Variants in VPS13B observed in about 807,000 individuals in gnomAD.
VPS13B encodes vacuolar protein sorting 13 homolog B, also known as intermembrane lipid transfer protein VPS13B.
Under a neutral mutation model 426.4 loss-of-function variants are expected in VPS13B, and 285 were observed. The ratio of observed to expected loss-of-function variants is 0.67; its 90% CI spans 0.61 to 0.74. The LOEUF (loss-of-function observed/expected upper bound fraction) is 0.74. Among genes scored for constraint, VPS13B ranks in the 30% least tolerant of loss-of-function variants. The pLI, the probability that VPS13B is intolerant of heterozygous loss-of-function variation, is 0.00. For synonymous variants in VPS13B, 1,676 were observed against 1,676.4 expected (o/e 1.00, Z 0.01); for missense variants, 4,537 against 4,782.6 (o/e 0.95, Z 1.51).
At chr8:99,389,137 A>G (rs1026864150) in intron 20 of VPS13B, among the ~76,000 whole-genome samples, 1 of 152,036 alleles carries the variant, frequency 6.6e-6, no homozygotes, top group Admixed American at 6.6e-5. Flanking sequence ...TGACAGAGCG[A>G]GACTCTGTCT....
intron 43 of VPS13B, among the ~76,000 whole-genome samples, chr8:99,794,320 T>A (rs776007347): frequency 6.6e-6 from 1 of 152,166 alleles, no homozygotes; most frequent in Non-Finnish European, 1.5e-5. Flanking sequence ...GAGAGAGTGC[T>A]AAGAGAAGAA....
At chr8:99,139,659 G>C (rs940106694) in intron 12 of VPS13B, among the ~76,000 whole-genome samples, 4 of 151,664 alleles carry the variant, frequency 2.6e-5, no homozygotes, top group African/African-American at 9.7e-5. Context: ...GGATGGTCTC[G>C]ATCTCCTGAC....
Position 99,556,311 on chromosome 8 carries a change from A to G in VPS13B, c.4746-139A>G. 5 of 870,892 alleles carry G rather than the reference A, an allele frequency of 5.7e-6. No individual in the cohort carries two copies. In the South Asian group the frequency reaches 6.2e-5, roughly 11 times the overall value. 53.9% of individuals were successfully genotyped at this position (870,892 alleles called of 1,614,324 possible). On this transcript the variant is annotated intron_variant, in intron 30 of 61. Coordinates refer to ENST00000357162, the MANE Select transcript of VPS13B (RefSeq NM_152564.5). ...ACTAACTTTCTGAAACCTTTTTCAT[A>G]GATGTGCCCCAGTTTATTCATCAGT...
chr8:99,085,023 T>G (rs1298701993), intron 3 of VPS13B, among the ~76,000 whole-genome samples: 2 of 152,042 alleles, frequency 1.3e-5, no homozygotes, highest in African/African-American at 4.8e-5. Flanking sequence ...AATTTCTGTC[T>G]CGTTGATCTG....
At chr8:99,121,010 GA>G (rs1847905902) in intron 7 of VPS13B, among the ~76,000 whole-genome samples, 166 bp from the exon 8 acceptor site, 1 of 152,144 alleles carries the variant, frequency 6.6e-6, no homozygotes, top group Non-Finnish European at 1.5e-5. Flanking sequence ...AGAAAGTTGA[GA>G]GTCATAATGC....
chr8:99,067,909 A>T (rs1431498234), intron 3 of VPS13B, among the ~76,000 whole-genome samples: 1 of 152,200 alleles, frequency 6.6e-6, no homozygotes, highest in Non-Finnish European at 1.5e-5. Context: ...ATGTGATTAT[A>T]AGATATTTCC....
At chr8:99,109,400 T>G (rs1345345857) in intron 5 of VPS13B, among the ~76,000 whole-genome samples, 5 of 151,706 alleles carry the variant, frequency 3.3e-5, no homozygotes, top group African/African-American at 1.2e-4. Flanking sequence ...TTTTTTTTTT[T>G]AAGAGAGAGT....
At chr8:99,151,167 G>GTA (rs1262598555) in intron 14 of VPS13B, among the ~76,000 whole-genome samples, 2 of 152,132 alleles carry the variant, frequency 1.3e-5, no homozygotes, top group African/African-American at 4.8e-5. Flanking sequence ...TTTGCCATCT[G>GTA]TATATCTTCT....
At chr8:99,504,010 A>T (rs1348301728) in intron 27 of VPS13B, among the ~76,000 whole-genome samples, 1 of 152,128 alleles carries the variant, frequency 6.6e-6, no homozygotes, top group Non-Finnish European at 1.5e-5. Context: ...TCCAAATCTC[A>T]TGTGGAAATG....
chr8:99,746,000 T>C (rs1210295025), intron 39 of VPS13B, among the ~76,000 whole-genome samples: 2 of 152,114 alleles, frequency 1.3e-5, no homozygotes, highest in African/African-American at 4.8e-5. Context: ...TTATATTAGT[T>C]GATATGTTTC....
intron 33 of VPS13B, among the ~76,000 whole-genome samples, chr8:99,590,137 A>C (rs1417342533): frequency 6.6e-6 from 1 of 152,144 alleles, no homozygotes; most frequent in Non-Finnish European, 1.5e-5. Flanking sequence ...AGGTGTTTAT[A>C]GTATGCTGTC....
chr8:99,855,238 C>T (rs897407815), intron 56 of VPS13B, among the ~76,000 whole-genome samples: 19 of 152,026 alleles, frequency 1.2e-4, no homozygotes, highest in African/African-American at 4.3e-4. Context: ...AAAAATTACC[C>T]AGGTGTGGTG....
At chr8:99,779,219 TGGAG>T (rs1198033684) in intron 42 of VPS13B, among the ~76,000 whole-genome samples, 188 bp downstream of exon 42, 5 of 152,212 alleles carry the variant, frequency 3.3e-5, no homozygotes, top group Non-Finnish European at 7.3e-5. Context: ...TTTGAAAAAC[TGGAG>T]AATATAGGTT....
intron 21 of VPS13B, among the ~76,000 whole-genome samples, chr8:99,418,245 G>A (rs1196817208): frequency 6.6e-6 from 1 of 151,910 alleles, no homozygotes; most frequent in Admixed American, 6.6e-5. Flanking sequence ...GTTGAAATTA[G>A]GGGATAGTTT....
chr8:99,030,937 T>C lies in VPS13B; in HGVS notation c.148-7486T>C, dbSNP rs551821123. Among the ~76,000 whole-genome samples the C allele has an allele frequency of 1.4e-4, 22 of 152,362 alleles. No homozygotes were observed. In the South Asian group the frequency reaches 4.6e-3, roughly 32 times the overall value. ...TACATATAACCTACATCTATTTCAG[T>C]ATTTGATATTAGAAGTGGTTTGACT... On this transcript the variant is annotated intron_variant, in intron 2 of 61. Coordinates refer to ENST00000357162, the MANE Select transcript of VPS13B (RefSeq NM_152564.5).
chr8:99,741,510 A>G (rs1809722695), intron 39 of VPS13B, among the ~76,000 whole-genome samples: 1 of 152,184 alleles, frequency 6.6e-6, no homozygotes, highest in South Asian at 2.1e-4. Flanking sequence ...CCCCAAATCA[A>G]CAGAATATAC....
chr8:99,369,420 G>A (rs764252313), intron 19 of VPS13B, among the ~76,000 whole-genome samples: 3 of 152,308 alleles, frequency 2.0e-5, no homozygotes, highest in Non-Finnish European at 4.4e-5. Flanking sequence ...CATAGGAGTA[G>A]AGAACACCTT....
At chr8:99,210,358 A>AT (rs1472415596) in intron 17 of VPS13B, among the ~76,000 whole-genome samples, 1 of 152,086 alleles carries the variant, frequency 6.6e-6, no homozygotes, top group Admixed American at 6.5e-5. Context: ...CACATCTCCC[A>AT]TTGAGCTATG....
intron 42 of VPS13B, among the ~76,000 whole-genome samples, 185 bp downstream of exon 42, chr8:99,779,216 AAC>A (rs1340552417): frequency 3.3e-5 from 5 of 152,144 alleles, no homozygotes; most frequent in Non-Finnish European, 7.3e-5. Flanking sequence ...ATTTTTGAAA[AAC>A]TGGAGAATAT....
Sources: gnomAD v4.1 joint callset for allele counts (sites outside exome capture counted in the v4.1 genomes callset) on GRCh38, gnomAD v4.1.1 for gene constraint, MANE v1.5 for transcripts, NCBI Gene and HGNC (gene_info 2026-07-23, HGNC 2026-07-21) for gene names.